DMRT3: variants seen among roughly 807,000 people sequenced by gnomAD.
DMRT3 encodes the protein doublesex and mab-3 related transcription factor 3.
A neutral mutation model predicts 34.9 loss-of-function variants in DMRT3; 29 were observed. That is an observed-to-expected ratio of 0.83 (90% confidence interval 0.62 to 1.13). The LOEUF (loss-of-function observed/expected upper bound fraction) is 1.13. Among genes scored for constraint, DMRT3 ranks in the 50% most tolerant of loss-of-function variants. The pLI is 0.00. For missense variants in DMRT3, 772 were observed against 629.1 expected (o/e 1.23, Z -2.43); for synonymous variants, 350 against 286.0 (o/e 1.22, Z -2.26).
intron 1 of DMRT3, among the ~76,000 whole-genome samples, chr9:983,298 C>T (rs974247383): frequency 4.6e-5 from 7 of 152,132 alleles, no homozygotes; most frequent in Non-Finnish European, 7.3e-5. Context: ...ATTAGTGTTC[C>T]ACGTTTTTCC....
chr9:988,171 C>T (rs1056301150), intron 1 of DMRT3, among the ~76,000 whole-genome samples: 1 of 152,090 alleles, frequency 6.6e-6, no homozygotes, highest in Non-Finnish European at 1.5e-5. Flanking sequence ...TAGAGTCTTT[C>T]TATAGAGTCA....
rs570332094 is a variant in DMRT3 at position 977,188 on chromosome 9, G to C, written c.187G>C (p.Glu63Gln). Reference sequence around the variant, plus strand: ...CTGCGAGAAGTGCATCCTCATCATCGAGCGGCAGCGGGTCATGGCTGCGCA... The same window carrying C: ...CTGCGAGAAGTGCATCCTCATCATCCAGCGGCAGCGGGTCATGGCTGCGCA... ...CTCEKCILIIERQRVMAAQVA... is the reference protein window; with the variant it reads ...CTCEKCILIIQRQRVMAAQVA... The change falls in exon 1 of 2, where the codon GAG becomes CAG. Residue 63 changes from glutamate (E) to glutamine (Q), a missense_variant. Physicochemically the swap from Glu to Gln is conservative, Grantham distance 29. Transcript: ENST00000190165. 92 of 1,610,186 alleles carry C rather than the reference G, an allele frequency of 5.7e-5. No individual in the cohort carries two copies. The South Asian group carries it at 9.7e-4, about 17-fold the overall frequency.
In DMRT3 at chr9:990,215, A is replaced by T; in HGVS notation, c.629A>T (p.Asn210Ile). The T allele has an allele frequency of 6.2e-7, 1 of 1,613,960 alleles. No individual in the cohort carries two copies. Among genetic ancestry groups the T allele is most frequent in the South Asian group, 1.1e-5 (1 of 91,062 alleles). The part of the protein sequence containing the change: ...VEEGGYAVQK[N>I]GGNPESRPDS... ...GAAGGGGGATACGCTGTCCAGAAAA[A>T]CGGAGGCAACCCCGAGAGCCGCCCT... The change falls in exon 2 of 2, where the codon AAC (asparagine) becomes ATC (isoleucine). Residue 210 changes from asparagine to isoleucine, a missense_variant. By Grantham distance (149) the Asn-to-Ile change is moderately radical. Transcript: ENST00000190165.
At position 990,091 on chromosome 9, in the gene DMRT3, G is replaced by A; in HGVS notation, c.505G>A (p.Val169Ile). 6.2e-7 allele frequency: 1 copy of A among 1,614,050 alleles called. No individual in the cohort carries two copies. Among genetic ancestry groups the A allele is most frequent in the Non-Finnish European group, 8.5e-7 (1 of 1,180,028 alleles). The change falls in exon 2 of 2, where the codon GTC (valine) becomes ATC (isoleucine). Residue 169 changes from valine to isoleucine, a missense_variant. By Grantham distance (29) the Val-to-Ile change is conservative. Transcript: ENST00000190165. The stretch of plus-strand genomic sequence containing the variant: ...CGGCAAGTCGGCAGACAATACAGAG[G>A]TCTTCAGTGACAAAGACACTGACCA... The part of the protein sequence containing the change: ...GDGKSADNTE[V>I]FSDKDTDQRS...
At position 977,339 on chromosome 9, in the gene DMRT3, C is replaced by G; in HGVS notation, c.338C>G (p.Ser113Cys). The G allele has an allele frequency of 7.9e-7, 1 of 1,262,594 alleles. No homozygotes were observed. Among genetic ancestry groups the G allele is most frequent in the Non-Finnish European group, 9.9e-7 (1 of 1,006,694 alleles). The allele number at this position is 1,262,594 out of a possible 1,614,324, so 78.2% of individuals were successfully genotyped here. Residue 113 changes from serine (S) to cysteine (C), a missense_variant, in exon 1 of 2, where the codon TCT (serine) becomes TGT (cysteine). By Grantham distance (112) the Ser-to-Cys change is moderately radical. Transcript: ENST00000190165. ...AVAAPQPPPA[S>C]QPSQPQPPRP... ...GCCGCCCCGCAGCCGCCGCCAGCCTCTCAGCCGTCGCAGCCGCAGCCGCCG... is the reference window on the plus strand; with the variant it reads ...GCCGCCCCGCAGCCGCCGCCAGCCTGTCAGCCGTCGCAGCCGCAGCCGCCG...
chr9:977,360 C>T lies in DMRT3; in HGVS notation c.359C>T (p.Pro120Leu). ...PPASQPSQPQPPRPAAELAAA... is the reference protein window; with the variant it reads ...PPASQPSQPQLPRPAAELAAA... ...GCCTCTCAGCCGTCGCAGCCGCAGC[C>T]GCCGCGCCCTGCTGCCGAGTTGGCC... The change falls in exon 1 of 2, where the codon CCG becomes CTG. Residue 120 changes from proline to leucine, a missense_variant. Physicochemically the swap from Pro to Leu is moderately conservative, Grantham distance 98. Transcript: ENST00000190165. 2 of 1,233,728 alleles carry T rather than the reference C, an allele frequency of 1.6e-6. No individual in the cohort carries two copies. The highest frequency in any genetic ancestry group is 3.9e-5 in the South Asian group (1 of 25,884). 76.4% of individuals were successfully genotyped at this position (1,233,728 alleles called of 1,614,324 possible). A position where few individuals can be genotyped will look rare whatever the true frequency, so the allele number is the denominator to read the frequency against.
intron 1 of DMRT3, among the ~76,000 whole-genome samples, chr9:984,471 T>TTATTTAGACAGGCTAA (rs1820258950): frequency 6.6e-6 from 1 of 152,036 alleles, no homozygotes; most frequent in African/African-American, 2.4e-5. Flanking sequence ...TTTTTTTTTT[T>TTATTTAGACAGGCTAA]TATTTAGACA....
chr9:982,098 G>A (rs982887596), intron 1 of DMRT3, among the ~76,000 whole-genome samples: 1 of 152,214 alleles, frequency 6.6e-6, no homozygotes, highest in Non-Finnish European at 1.5e-5. Context: ...TTATTTGATG[G>A]TCCCACTTAA....
intron 1 of DMRT3, among the ~76,000 whole-genome samples, chr9:988,280 A>C (rs1055820219): frequency 2.6e-5 from 4 of 152,250 alleles, no homozygotes; most frequent in African/African-American, 9.6e-5. Flanking sequence ...TTTAATTAAA[A>C]TGCAAATTTG....
chr9:989,908 G>C lies in DMRT3; in HGVS notation c.455-133G>C, dbSNP rs889860255. On this transcript the variant is annotated intron_variant, in intron 1 of 1. Transcript: ENST00000190165. ...GATATAGTTCGAATTTTTTTAAAAAGGCTTGTAGTATATTATGACCCATTG... is the reference window on the plus strand; with the variant it reads ...GATATAGTTCGAATTTTTTTAAAAACGCTTGTAGTATATTATGACCCATTG... 10 of 1,194,154 alleles carry C rather than the reference G, an allele frequency of 8.4e-6. No individual in the cohort carries two copies. In the African/African-American group the frequency reaches 1.5e-4, roughly 18 times the overall value. The allele number at this position is 1,194,154 out of a possible 1,614,324, so 74.0% of individuals were successfully genotyped here.
In DMRT3 at chr9:977,366, G is replaced by A; in HGVS notation, c.365G>A (p.Arg122His). 8.1e-7 allele frequency: 1 copy of A among 1,233,178 alleles called. No homozygotes were observed. The highest frequency in any genetic ancestry group is 4.3e-5 in the Admixed American group (1 of 23,372). The allele number at this position is 1,233,178 out of a possible 1,614,324, so 76.4% of individuals were successfully genotyped here. A position where few individuals can be genotyped will look rare whatever the true frequency, so the allele number is the denominator to read the frequency against. ...ASQPSQPQPP[R>H]PAAELAAAAA... is the part of the protein sequence containing the mutation. ...CAGCCGTCGCAGCCGCAGCCGCCGC[G>A]CCCTGCTGCCGAGTTGGCCGCGGCC... The change falls in exon 1 of 2, where the codon CGC (arginine) becomes CAC (histidine). Residue 122 changes from arginine to histidine, a missense_variant. Coordinates refer to ENST00000190165, the MANE Select transcript of DMRT3 (RefSeq NM_021240.4).
chr9:989,094 C>T (rs1048122198), intron 1 of DMRT3, among the ~76,000 whole-genome samples: 4 of 151,906 alleles, frequency 2.6e-5, no homozygotes, highest in African/African-American at 9.7e-5. Flanking sequence ...GCCTTTTTTT[C>T]CCTCCTTCTT....
Position 990,226 on chromosome 9 carries a change from C to G in DMRT3, c.640C>G (p.Pro214Ala). 1.2e-6 allele frequency: 2 copies of G among 1,613,878 alleles called. No homozygotes were observed. Among genetic ancestry groups the G allele is most frequent in the Non-Finnish European group, 1.7e-6 (2 of 1,179,980 alleles). ...CGCTGTCCAGAAAAACGGAGGCAAC[C>G]CCGAGAGCCGCCCTGACAGCCCCAA... is the stretch of plus-strand genomic sequence containing the variant. ...GYAVQKNGGN[P>A]ESRPDSPKCH... Residue 214 changes from proline to alanine, a missense_variant, in exon 2 of 2, where the codon CCC (proline) becomes GCC (alanine). Pro to Ala is a conservative substitution (Grantham distance 27). Transcript: ENST00000190165.
chr9:980,090 A>AT (rs71327363), intron 1 of DMRT3, among the ~76,000 whole-genome samples: 4 of 151,744 alleles, frequency 2.6e-5, no homozygotes, highest in African/African-American at 4.8e-5. Flanking sequence ...GTGAAGAGAG[A>AT]TTTTTTTTTC....
chr9:984,434 C>A (rs186812998), intron 1 of DMRT3, among the ~76,000 whole-genome samples: 1,532 of 151,166 alleles, frequency 0.01, 28 homozygotes, highest in African/African-American at 0.036. Context: ...TAACCTATGA[C>A]ATCTAAGTCA....
At chr9:978,057 T>C (rs1040228583) in intron 1 of DMRT3, among the ~76,000 whole-genome samples, 12 of 152,168 alleles carry the variant, frequency 7.9e-5, no homozygotes, top group Non-Finnish European at 1.6e-4. Context: ...CTCTTGTAAC[T>C]GGTGAAATAA....
chr9:991,663 C>G lies in DMRT3; in HGVS notation c.*658C>G, dbSNP rs537408123. The G allele has an allele frequency of 6.6e-6, 1 of 152,642 alleles. No homozygotes were observed. The highest frequency in any genetic ancestry group is 2.1e-4 in the South Asian group (1 of 4,828). The allele number at this position is 152,642 out of a possible 1,614,324, so 9.5% of individuals were successfully genotyped here. A position where few individuals can be genotyped will look rare whatever the true frequency, so the allele number is the denominator to read the frequency against. On this transcript the variant is annotated 3_prime_UTR_variant, in exon 2 of 2. Coordinates refer to ENST00000190165, the MANE Select transcript of DMRT3 (RefSeq NM_021240.4). Reference sequence around the variant, plus strand: ...CATGAAATGTATTGTGAAACGAACACAAGATTAAGCTTTGTCAGGTTAATG... The same window carrying G: ...CATGAAATGTATTGTGAAACGAACAGAAGATTAAGCTTTGTCAGGTTAATG...
In DMRT3 at chr9:977,162, C is replaced by T. The variant is rs769593439; in HGVS notation, c.161C>T (p.Thr54Ile). 8 of 1,611,666 alleles carry T rather than the reference C, an allele frequency of 5.0e-6. No individual in the cohort carries two copies. Among genetic ancestry groups the T allele is most frequent in the African/African-American group, 4.0e-5 (3 of 74,848 alleles). ...HKRYCRFKDC[T>I]CEKCILIIER... ...CGTTACTGCCGCTTCAAGGACTGCACCTGCGAGAAGTGCATCCTCATCATC... is the reference window on the plus strand; with the variant it reads ...CGTTACTGCCGCTTCAAGGACTGCATCTGCGAGAAGTGCATCCTCATCATC... Residue 54 changes from threonine to isoleucine, a missense_variant, in exon 1 of 2, where the codon ACC (threonine) becomes ATC (isoleucine). By Grantham distance (89) the Thr-to-Ile change is moderately conservative. Coordinates refer to ENST00000190165, the MANE Select transcript of DMRT3 (RefSeq NM_021240.4).
chr9:977,123 T>C lies in DMRT3; in HGVS notation c.122T>C (p.Leu41Pro). ...RCRNHGVLSW[L>P]KGHKRYCRFK... ...CGCAACCATGGCGTCCTGTCCTGGC[T>C]CAAGGGCCACAAGCGTTACTGCCGC... is the stretch of plus-strand genomic sequence containing the variant. Residue 41 changes from leucine (L) to proline (P), a missense_variant, in exon 1 of 2, where the codon CTC becomes CCC. Transcript: ENST00000190165. 9 of 1,610,424 alleles carry C rather than the reference T, an allele frequency of 5.6e-6. No homozygotes were observed. The highest frequency in any genetic ancestry group is 7.6e-6 in the Non-Finnish European group (9 of 1,178,728).
Sources: gnomAD v4.1 joint callset for allele counts (sites outside exome capture counted in the v4.1 genomes callset) on GRCh38, gnomAD v4.1.1 for gene constraint, MANE v1.5 for transcripts, NCBI Gene and HGNC (gene_info 2026-07-23, HGNC 2026-07-21) for gene names.